Variants in VSNL1 observed in about 807,000 individuals in gnomAD.
VSNL1 encodes the protein visinin like 1.
Under a neutral mutation model 20.4 loss-of-function variants are expected in VSNL1, and 6 were observed. The ratio of observed to expected loss-of-function variants is 0.29; its 90% CI spans 0.16 to 0.58. VSNL1 has a LOEUF of 0.58. Among genes scored for constraint, VSNL1 ranks in the 20% least tolerant of loss-of-function variants. The pLI, the probability that VSNL1 is intolerant of heterozygous loss-of-function variation, is 0.90. For missense variants in VSNL1, 100 were observed against 234.5 expected (o/e 0.43, Z 3.75); for synonymous variants, 93 against 86.4 (o/e 1.08, Z -0.42).
At chr2:17,591,779 A>G (rs1462201700) in intron 1 of VSNL1, among the ~76,000 whole-genome samples, 1 of 152,140 alleles carries the variant, frequency 6.6e-6, no homozygotes, top group Non-Finnish European at 1.5e-5. Context: ...CTTACTATGA[A>G]TAGCATAAAA....
At chr2:17,551,543 A>G (rs1572326229) in intron 1 of VSNL1, among the ~76,000 whole-genome samples, 1 of 152,202 alleles carries the variant, frequency 6.6e-6, no homozygotes, top group East Asian at 1.9e-4. Flanking sequence ...TGGCTATACA[A>G]GGAATAATAA....
intron 2 of VSNL1, among the ~76,000 whole-genome samples, chr2:17,619,328 ATCT>A (rs1665292764): frequency 6.6e-6 from 1 of 152,124 alleles, no homozygotes; most frequent in African/African-American, 2.4e-5. Flanking sequence ...AGAGCGGGCA[ATCT>A]TGGTCCATCT....
rs573877451 is a variant in VSNL1, at chr2:17,634,211, G to A, written c.163-15199G>A. ...CTCATTGTAACAGCAGTGTGCAGGC[G>A]AGAATCAGGGCTGGCAGGTGCCCAG... On this transcript the variant is annotated intron_variant, in intron 2 of 3. Coordinates refer to ENST00000295156, the MANE Select transcript of VSNL1 (RefSeq NM_003385.5). This position sits in a 1 kb window ranked among gnomAD's most constrained non-coding sequence, Gnocchi z 4.3. Among the ~76,000 whole-genome samples the A allele has an allele frequency of 4.4e-4, 67 of 152,312 alleles. No homozygotes were observed. The South Asian group carries it at 0.012, about 28-fold the overall frequency.
intron 2 of VSNL1, among the ~76,000 whole-genome samples, chr2:17,599,099 A>C (rs980866819): frequency 6.6e-6 from 1 of 152,138 alleles, no homozygotes; most frequent in Non-Finnish European, 1.5e-5. Context: ...GCAGAGGAAA[A>C]CACCACAAAT....
rs1666074662 is a variant in VSNL1 at position 17,649,381 on chromosome 2, C to T, written c.163-29C>T. The T allele has an allele frequency of 1.2e-6, 2 of 1,610,432 alleles. No individual in the cohort carries two copies. The highest frequency in any genetic ancestry group is 1.7e-6 in the Non-Finnish European group (2 of 1,176,620). ...TCGCCCCGATTCCATCCCCTCCCGA[C>T]ACCTGACTGCGCGTGTTCTCCTTTG... On this transcript the variant is annotated intron_variant, in intron 2 of 3. Coordinates refer to ENST00000295156, the MANE Select transcript of VSNL1 (RefSeq NM_003385.5). This position sits in a 1 kb window ranked among gnomAD's most constrained non-coding sequence, Gnocchi z 6.4.
intron 1 of VSNL1, among the ~76,000 whole-genome samples, chr2:17,543,902 C>A (rs771844874): frequency 9.9e-5 from 15 of 152,144 alleles, no homozygotes; most frequent in Non-Finnish European, 2.1e-4. Context: ...CATAAAAATT[C>A]TCTGAGTGCC....
At chr2:17,549,576 G>T (rs948183070) in intron 1 of VSNL1, among the ~76,000 whole-genome samples, 1 of 152,122 alleles carries the variant, frequency 6.6e-6, no homozygotes, top group Non-Finnish European at 1.5e-5. Context: ...TAATTGAAAG[G>T]GAGGATGGTT....
At chr2:17,621,930 AAACT>A (rs1665369808) in intron 2 of VSNL1, among the ~76,000 whole-genome samples, 1 of 152,128 alleles carries the variant, frequency 6.6e-6, no homozygotes, top group Non-Finnish European at 1.5e-5. Context: ...CACCCAGCCA[AAACT>A]AACAGTTCCA....
intron 2 of VSNL1, among the ~76,000 whole-genome samples, chr2:17,639,060 C>T (rs1168421796): frequency 2.0e-5 from 3 of 152,194 alleles, no homozygotes; most frequent in African/African-American, 7.2e-5. Flanking sequence ...TCCCAGATTC[C>T]CGCAGGGATC....
At chr2:17,563,728 C>CA (rs1008588214) in intron 1 of VSNL1, among the ~76,000 whole-genome samples, 4 of 146,848 alleles carry the variant, frequency 2.7e-5, no homozygotes, top group Non-Finnish European at 4.5e-5. Context: ...GACTCTGTCT[C>CA]AAAAAAAAGA....
At chr2:17,637,433 T>C (rs1665780170) in intron 2 of VSNL1, among the ~76,000 whole-genome samples, 1 of 152,178 alleles carries the variant, frequency 6.6e-6, no homozygotes, top group Non-Finnish European at 1.5e-5. Context: ...CCTGGACATC[T>C]GCCCAGGCTG....
intron 2 of VSNL1, among the ~76,000 whole-genome samples, chr2:17,621,041 A>C (rs535718278): frequency 6.6e-6 from 1 of 152,364 alleles, no homozygotes; most frequent in South Asian, 2.1e-4. Flanking sequence ...TTATGGTTAC[A>C]TAATGGTGAG....
intron 1 of VSNL1, among the ~76,000 whole-genome samples, chr2:17,578,508 C>T (rs534332465): frequency 2.3e-4 from 35 of 152,352 alleles, no homozygotes; most frequent in Non-Finnish European, 7.3e-5. Flanking sequence ...CTGAGTATCA[C>T]TTCACATAAC....
intron 2 of VSNL1, among the ~76,000 whole-genome samples, chr2:17,632,043 T>G (rs1665645201): frequency 6.6e-6 from 1 of 150,680 alleles, no homozygotes; most frequent in Non-Finnish European, 1.5e-5. Context: ...CATGCCACCA[T>G]GCCTGGCTAA....
At chr2:17,554,086 G>A (rs1327232057) in intron 1 of VSNL1, among the ~76,000 whole-genome samples, 1 of 152,058 alleles carries the variant, frequency 6.6e-6, no homozygotes, top group Non-Finnish European at 1.5e-5. Context: ...ATTTATAAGG[G>A]CTCATAATGC....
chr2:17,582,825 T>A (rs547184859), intron 1 of VSNL1, among the ~76,000 whole-genome samples: 1 of 151,884 alleles, frequency 6.6e-6, no homozygotes, highest in South Asian at 2.1e-4. Context: ...AATTTTTCTT[T>A]AGGACCTCCC....
intron 1 of VSNL1, among the ~76,000 whole-genome samples, chr2:17,575,364 AC>A (rs1423896101): frequency 2.0e-5 from 3 of 152,214 alleles, no homozygotes; most frequent in Non-Finnish European, 4.4e-5. Flanking sequence ...ATCATTGAAG[AC>A]AGTCCATAAA....
At chr2:17,626,016 G>A (rs976199339) in intron 2 of VSNL1, among the ~76,000 whole-genome samples, 4 of 151,622 alleles carry the variant, frequency 2.6e-5, no homozygotes, top group East Asian at 1.9e-4. Context: ...ATGGGGTTTC[G>A]CCTTGTTGGC....
intron 1 of VSNL1, among the ~76,000 whole-genome samples, chr2:17,575,886 A>G (rs891723146): frequency 6.6e-6 from 1 of 152,206 alleles, no homozygotes; most frequent in East Asian, 1.9e-4. Context: ...ATAAGTTAAT[A>G]TGATAACCTA....
Sources: gnomAD v4.1 joint callset for allele counts (sites outside exome capture counted in the v4.1 genomes callset) on GRCh38, gnomAD v4.1.1 for gene constraint, Gnocchi (gnomAD v3.1) non-coding constraint, MANE v1.5 for transcripts, NCBI Gene and HGNC (gene_info 2026-07-23, HGNC 2026-07-21) for gene names.